The following TGFB2 variants were observed in gnomAD, a reference collection of about 807,000 sequenced individuals.
TGFB2 encodes transforming growth factor beta 2.
TGFB2 carries 13 observed loss-of-function variants against 42.7 expected under a neutral mutation model. The ratio of observed to expected loss-of-function variants is 0.30; its 90% CI spans 0.20 to 0.48. The LOEUF (loss-of-function observed/expected upper bound fraction) is 0.48, where lower values mean the gene tolerates loss of function less well. Among genes scored for constraint, TGFB2 ranks in the 20% least tolerant of loss-of-function variants. The pLI is 0.99. For synonymous variants in TGFB2, 193 were observed against 193.6 expected (o/e 1.00, Z 0.03); for missense variants, 390 against 517.5 (o/e 0.75, Z 2.39).
At chr1:218,435,199 C>T (rs965394805) in intron 4 of TGFB2, among the ~76,000 whole-genome samples, 11 of 152,174 alleles carry the variant, frequency 7.2e-5, no homozygotes, top group Admixed American at 2.6e-4. Flanking sequence ...CCTAACATCA[C>T]CCAGGACCTC....
At chr1:218,372,379 C>G (rs1177120508) in intron 1 of TGFB2, among the ~76,000 whole-genome samples, 1 of 152,140 alleles carries the variant, frequency 6.6e-6, no homozygotes, top group Non-Finnish European at 1.5e-5. Context: ...TGAAGTGGAG[C>G]TGACTTCGTA....
At chr1:218,371,423 A>G (rs1033924624) in intron 1 of TGFB2, among the ~76,000 whole-genome samples, 2 of 152,222 alleles carry the variant, frequency 1.3e-5, no homozygotes, top group African/African-American at 2.4e-5. Flanking sequence ...ACTTTATTGA[A>G]ATATGAATAT....
At chr1:218,416,705 C>T (rs1338492251) in intron 2 of TGFB2, among the ~76,000 whole-genome samples, 3 of 152,142 alleles carry the variant, frequency 2.0e-5, no homozygotes, top group Non-Finnish European at 4.4e-5. Flanking sequence ...CCACCCTGGC[C>T]CCTTGATATG....
At chr1:218,382,751 C>T (rs993286705) in intron 1 of TGFB2, among the ~76,000 whole-genome samples, 5 of 152,092 alleles carry the variant, frequency 3.3e-5, no homozygotes, top group African/African-American at 7.2e-5. Context: ...TGTGATGAAT[C>T]GGCCAGTCTC....
rs1437643279 is a variant in TGFB2, at chr1:218,434,454, C to G, written c.754+6C>G. Reference sequence around the variant, plus strand: ...ACTAGAAGCAAGATTTGCAGGTAACCAAAACTTGGTCATATGAGGTGGGGG... The same window carrying G: ...ACTAGAAGCAAGATTTGCAGGTAACGAAAACTTGGTCATATGAGGTGGGGG... On this transcript the variant is annotated splice_donor_region_variant and intron_variant, in intron 4 of 6. Coordinates refer to ENST00000366930, the MANE Select transcript of TGFB2 (RefSeq NM_003238.6). 1 of 1,574,530 alleles carries G rather than the reference C, an allele frequency of 6.4e-7. No homozygotes were observed. Among genetic ancestry groups the G allele is most frequent in the East Asian group, 2.2e-5 (1 of 44,512 alleles).
intron 1 of TGFB2, among the ~76,000 whole-genome samples, chr1:218,355,138 G>A (rs887828963): frequency 6.6e-6 from 1 of 152,182 alleles, no homozygotes; most frequent in Non-Finnish European, 1.5e-5. Flanking sequence ...GATCTCAAGT[G>A]ATCCATCCGC....
intron 2 of TGFB2, among the ~76,000 whole-genome samples, chr1:218,408,357 C>G (rs1011847592): frequency 4.6e-5 from 7 of 152,252 alleles, no homozygotes; most frequent in African/African-American, 1.7e-4. Flanking sequence ...ACCGGCTGCT[C>G]CATGACGCAA....
chr1:218,426,765 G>A (rs1487341008), intron 2 of TGFB2, among the ~76,000 whole-genome samples: 2 of 152,140 alleles, frequency 1.3e-5, no homozygotes, highest in Non-Finnish European at 2.9e-5. Context: ...CAGAAAGAGA[G>A]AGATGCAAAC....
At position 218,440,852 on chromosome 1, in the gene TGFB2, A is replaced by G. The variant is rs1571907234; in HGVS notation, c.1087-352A>G. Among the ~76,000 whole-genome samples, 4 of 152,344 alleles carry G rather than the reference A, an allele frequency of 2.6e-5. No homozygotes were observed. The East Asian group carries it at 7.7e-4, about 29-fold the overall frequency. On this transcript the variant is annotated intron_variant, in intron 6 of 6. Transcript: ENST00000366930. The stretch of plus-strand genomic sequence containing the variant: ...AATAAGACCAAATGCTATAAGGATC[A>G]AGTTTTGTGGGGACCTAGGATGTAT...
At chr1:218,363,703 C>T (rs188407572) in intron 1 of TGFB2, among the ~76,000 whole-genome samples, 1 of 152,300 alleles carries the variant, frequency 6.6e-6, no homozygotes, top group African/African-American at 2.4e-5. Flanking sequence ...ATTTGACATA[C>T]ACCTTTCCTG....
At chr1:218,358,272 T>A (rs1571832397) in intron 1 of TGFB2, among the ~76,000 whole-genome samples, 1 of 152,226 alleles carries the variant, frequency 6.6e-6, no homozygotes, top group Non-Finnish European at 1.5e-5. Context: ...AAAACATAGA[T>A]GGGAATTTTC....
intron 1 of TGFB2, among the ~76,000 whole-genome samples, chr1:218,362,861 A>G (rs10482740): frequency 2.0e-3 from 304 of 152,322 alleles, no homozygotes; most frequent in African/African-American, 6.9e-3. Context: ...GACTCATTCA[A>G]GAAGGAGTTT....
rs371982231 is a variant in TGFB2 at position 218,405,155 on chromosome 1, C to G, written c.347-14C>G. The G allele has an allele frequency of 1.5e-4, 231 of 1,561,496 alleles. No individual in the cohort carries two copies. The Middle Eastern group carries it at 4.2e-3, about 28-fold the overall frequency. On this transcript the variant is annotated splice_polypyrimidine_tract_variant and intron_variant, in intron 1 of 6. Coordinates refer to ENST00000366930, the MANE Select transcript of TGFB2 (RefSeq NM_003238.6). ...GATTTTATCATTTTCAATGATTGCC[C>G]TAATTTTTTACAGATGCCATCCCGC...
At chr1:218,393,873 T>C (rs895569249) in intron 1 of TGFB2, among the ~76,000 whole-genome samples, 2 of 151,410 alleles carry the variant, frequency 1.3e-5, no homozygotes, top group African/African-American at 4.9e-5. Flanking sequence ...TTCATGCTCA[T>C]GGGCTCTGAG....
chr1:218,393,043 G>A (rs1303883946), intron 1 of TGFB2, among the ~76,000 whole-genome samples: 1 of 152,190 alleles, frequency 6.6e-6, no homozygotes, highest in African/African-American at 2.4e-5. Flanking sequence ...TACAAGACAT[G>A]CATTGGCCAT....
chr1:218,361,498 C>T (rs1657208982), intron 1 of TGFB2, among the ~76,000 whole-genome samples: 1 of 152,180 alleles, frequency 6.6e-6, no homozygotes, highest in Non-Finnish European at 1.5e-5. Flanking sequence ...AATTGTCCCT[C>T]TTCTGCACCA....
intron 2 of TGFB2, among the ~76,000 whole-genome samples, chr1:218,425,935 T>C (rs547304935): frequency 6.6e-6 from 1 of 152,362 alleles, no homozygotes; most frequent in African/African-American, 2.4e-5. Context: ...GAATGTTTGA[T>C]TCATCATTTG....
At chr1:218,409,847 C>T (rs1044548743) in intron 2 of TGFB2, among the ~76,000 whole-genome samples, 9 of 152,100 alleles carry the variant, frequency 5.9e-5, no homozygotes, top group Admixed American at 5.9e-4. Flanking sequence ...GTTCTCAGGT[C>T]GTTTACATGG....
chr1:218,434,427 G>A lies in TGFB2; in HGVS notation c.733G>A (p.Glu245Lys). 6.2e-7 allele frequency: 1 copy of A among 1,613,088 alleles called. No individual in the cohort carries two copies. The highest frequency in any genetic ancestry group is 8.5e-7 in the Non-Finnish European group (1 of 1,179,304). The change falls in exon 4 of 7, where the codon GAA becomes AAA. Residue 245 changes from glutamate to lysine, a missense_variant. Physicochemically the swap from Glu to Lys is moderately conservative, Grantham distance 56 (BLOSUM62 1). Coordinates refer to ENST00000366930, the MANE Select transcript of TGFB2 (RefSeq NM_003238.6). ...NNYIIPNKSE[E>K]LEARFAGIDG... ...TTACATCATCCCAAATAAAAGTGAA[G>A]AACTAGAAGCAAGATTTGCAGGTAA...
Sources: gnomAD v4.1 joint callset for allele counts (sites outside exome capture counted in the v4.1 genomes callset) on GRCh38, gnomAD v4.1.1 for gene constraint, MANE v1.5 for transcripts, NCBI Gene and HGNC (gene_info 2026-07-23, HGNC 2026-07-21) for gene names.